Variants in CSNK2A2IP observed in about 807,000 individuals in gnomAD.
CSNK2A2IP encodes casein kinase 2 subunit alpha' interacting protein.
At chr3:88,390,400 C>T in the CSNK2A2IP span, among the ~76,000 whole-genome samples, 1 of 152,158 alleles carries the variant, frequency 6.6e-6, no homozygotes, top group African/African-American at 2.4e-5. Flanking sequence ...GGCATAGTGA[C>T]ACTGACCTGG....
the CSNK2A2IP span, among the ~76,000 whole-genome samples, chr3:88,346,800 T>C: frequency 6.6e-6 from 1 of 152,016 alleles, no homozygotes; most frequent in Non-Finnish European, 1.5e-5. Flanking sequence ...ACAACATCCA[T>C]TCTGCAGCAC....
chr3:88,421,919 G>T, the CSNK2A2IP span, among the ~76,000 whole-genome samples: 1 of 151,990 alleles, frequency 6.6e-6, no homozygotes, highest in Non-Finnish European at 1.5e-5. Flanking sequence ...CACGCTTTTG[G>T]AATAAATATT....
the CSNK2A2IP span, among the ~76,000 whole-genome samples, chr3:88,374,779 G>A: frequency 3.8e-4 from 58 of 151,716 alleles, no homozygotes; most frequent in African/African-American, 1.3e-3. Flanking sequence ...AAACACATGG[G>A]AATACTTGGG....
At chr3:88,348,835 C>T in the CSNK2A2IP span, among the ~76,000 whole-genome samples, 6 of 152,054 alleles carry the variant, frequency 3.9e-5, no homozygotes, top group Admixed American at 1.3e-4. Flanking sequence ...TGAGCCCCAT[C>T]TCAATGTTTC....
the CSNK2A2IP span, among the ~76,000 whole-genome samples, chr3:88,418,461 T>TGTGTGTGTGTGCGCGC: frequency 7.9e-5 from 6 of 75,870 alleles, no homozygotes; most frequent in East Asian, 4.7e-3. Context: ...TGTGTGTGTG[T>TGTGTGTGTGTGCGCGC]GTGCGCGCGG....
the CSNK2A2IP span, among the ~76,000 whole-genome samples, chr3:88,417,810 A>G: frequency 6.6e-6 from 1 of 152,130 alleles, no homozygotes; most frequent in South Asian, 2.1e-4. Flanking sequence ...ATTTTCTATG[A>G]TCCATAGAGG....
At chr3:88,407,183 G>A in the CSNK2A2IP span, among the ~76,000 whole-genome samples, 47 of 151,528 alleles carry the variant, frequency 3.1e-4, no homozygotes, top group Admixed American at 2.6e-4. Context: ...ATTTGGGGGC[G>A]CCAGAGTGGA....
chr3:88,465,558 CT>C, the CSNK2A2IP span: 1 of 1,231,598 alleles, frequency 8.1e-7, no homozygotes, highest in Non-Finnish European at 1.0e-6. Context: ...TCCAGAGATG[CT>C]CAGTATTGCC....
chr3:88,467,327 A>T, the CSNK2A2IP span: 1 of 398,796 alleles, frequency 2.5e-6, no homozygotes, highest in Non-Finnish European at 4.4e-6. Context: ...CCTTCCAAAG[A>T]GTTTATGACC....
chr3:88,449,752 C>CT, the CSNK2A2IP span, among the ~76,000 whole-genome samples: 42,261 of 123,038 alleles, frequency 0.34, 8,870 homozygotes, highest in Non-Finnish European at 0.46. Context: ...CCAAATATAC[C>CT]TTTTTTCTCT....
the CSNK2A2IP span, among the ~76,000 whole-genome samples, chr3:88,379,915 G>A: frequency 2.0e-5 from 3 of 151,946 alleles, no homozygotes; most frequent in African/African-American, 7.2e-5. Context: ...AACAACTTCC[G>A]CAGAAGTGAT....
the CSNK2A2IP span, among the ~76,000 whole-genome samples, chr3:88,348,834 T>C: frequency 1.2e-4 from 18 of 152,160 alleles, no homozygotes; most frequent in Admixed American, 1.1e-3. Context: ...ATGAGCCCCA[T>C]CTCAATGTTT....
the CSNK2A2IP span, among the ~76,000 whole-genome samples, chr3:88,380,527 C>A: frequency 1.3e-3 from 196 of 151,416 alleles, 2 homozygotes; most frequent in African/African-American, 4.4e-3. Flanking sequence ...ATCACTAGAT[C>A]GGTAGAAATT....
At chr3:88,386,717 G>A in the CSNK2A2IP span, among the ~76,000 whole-genome samples, 102 of 152,332 alleles carry the variant, frequency 6.7e-4, 1 homozygote, top group Non-Finnish European at 1.2e-3. Flanking sequence ...AGAAAAACAT[G>A]TGGTGGTTAG....
chr3:88,446,309 C>T, the CSNK2A2IP span, among the ~76,000 whole-genome samples: 30 of 151,914 alleles, frequency 2.0e-4, no homozygotes, highest in African/African-American at 6.0e-4. Flanking sequence ...AGGCTGGTCT[C>T]GAACTCCTGA....
the CSNK2A2IP span, among the ~76,000 whole-genome samples, chr3:88,458,970 G>T: frequency 6.6e-6 from 1 of 152,116 alleles, no homozygotes; most frequent in Admixed American, 6.6e-5. Flanking sequence ...AATATTCTAT[G>T]AATATCAGTT....
the CSNK2A2IP span, among the ~76,000 whole-genome samples, chr3:88,343,552 A>C: frequency 4.6e-5 from 7 of 152,004 alleles, no homozygotes; most frequent in Admixed American, 1.3e-4. Flanking sequence ...TTTGATAAAA[A>C]ATGACATTGG....
At chr3:88,353,511 G>A in the CSNK2A2IP span, among the ~76,000 whole-genome samples, 1 of 152,152 alleles carries the variant, frequency 6.6e-6, no homozygotes, top group Non-Finnish European at 1.5e-5. Flanking sequence ...GAGGGAGCCT[G>A]AGTCTCTGAG....
At chr3:88,341,708 A>C in the CSNK2A2IP span, among the ~76,000 whole-genome samples, 1 of 151,978 alleles carries the variant, frequency 6.6e-6, no homozygotes, top group Non-Finnish European at 1.5e-5. Context: ...CTATTTTCAG[A>C]CACAAAATTA....
Sources: allele counts gnomAD v4.1 joint callset (sites outside exome capture counted in the v4.1 genomes callset), GRCh38; gene constraint gnomAD v4.1.1; transcripts MANE v1.5; gene names NCBI Gene and HGNC (gene_info 2026-07-23, HGNC 2026-07-21).